ABL2: variants seen among roughly 807,000 people sequenced by gnomAD.
ABL2 encodes the protein ABL proto-oncogene 2, non-receptor tyrosine kinase.
In ABL2, 49 loss-of-function variants were observed where a neutral mutation model predicts 107.7. The observed-to-expected ratio is 0.45, with a 90% CI of 0.36 to 0.58. The LOEUF is 0.58. ABL2 is among the 20% of genes least tolerant of loss of function. The pLI is 0.00. For synonymous variants in ABL2, 549 were observed against 548.6 expected, an observed-to-expected ratio of 1.00 and a Z score of -0.01; for missense variants, 1,245 against 1,457.0, an observed-to-expected ratio of 0.85 and a Z score of 2.37.
intron 1 of ABL2, among the ~76,000 whole-genome samples, chr1:179,133,714 T>A (rs1448019483): frequency 6.6e-6 from 1 of 152,218 alleles, no homozygotes; most frequent in Non-Finnish European, 1.5e-5. Context: ...AGACCCCCAG[T>A]GGATGCTTAA....
chr1:179,161,953 T>G (rs1659093015), intron 1 of ABL2, among the ~76,000 whole-genome samples: 1 of 152,178 alleles, frequency 6.6e-6, no homozygotes, highest in Non-Finnish European at 1.5e-5. Flanking sequence ...TCACTCTCTT[T>G]GCCCTTCCAC....
chr1:179,229,260 G>A lies in ABL2; in HGVS notation c.138C>T (p.Phe46=). The A allele has an allele frequency of 2.6e-6, 4 of 1,510,330 alleles. No individual in the cohort carries two copies. The highest frequency in any genetic ancestry group is 3.6e-6 in the Non-Finnish European group (4 of 1,126,046). 93.6% of individuals were successfully genotyped at this position (1,510,330 alleles called of 1,614,324 possible). The change falls in exon 1 of 12, where the codon TTC becomes TTT. Residue 46 remains phenylalanine (F), a synonymous_variant. Coordinates refer to ENST00000502732, the MANE Select transcript of ABL2 (RefSeq NM_007314.4). The part of the protein sequence containing the change: ...DPAGRTTETG[F]NIFTQHDHFA... ...ACTCACCATGCTGGGTGAAGATATT[G>A]AAGCCGGTCTCTGTGGTGCGCCCCG...
At position 179,185,971 on chromosome 1, in the gene ABL2, C is replaced by T. The variant is rs560454356; in HGVS notation, c.157+43270G>A. On this transcript the variant is annotated intron_variant, in intron 1 of 11. Coordinates refer to ENST00000502732, the MANE Select transcript of ABL2 (RefSeq NM_007314.4). Reference sequence around the variant, plus strand: ...TAGAGAAAATTAGCAATGGGCCGGGCGCAGTGGCTCACCCTGTAATCCCAG... The same window carrying T: ...TAGAGAAAATTAGCAATGGGCCGGGTGCAGTGGCTCACCCTGTAATCCCAG... Among the ~76,000 whole-genome samples the T allele has an allele frequency of 7.9e-5, 12 of 152,142 alleles. No individual in the cohort carries two copies. In the South Asian group the frequency reaches 2.1e-3, roughly 26 times the overall value.
Position 179,163,816 on chromosome 1 carries a change from G to A in ABL2, c.158-30442C>T, listed in dbSNP as rs540633713. Among the ~76,000 whole-genome samples the A allele has an allele frequency of 2.0e-5, 3 of 152,330 alleles. No homozygotes were observed. In the South Asian group the frequency reaches 6.2e-4, roughly 32 times the overall value. ...ACTTAAATGTCCTTCAGTGAATGAA[G>A]GGATAAACAAGGTGTGGTACACATC... On this transcript the variant is annotated intron_variant, in intron 1 of 11. Coordinates refer to ENST00000502732, the MANE Select transcript of ABL2 (RefSeq NM_007314.4).
chr1:179,224,000 G>A (rs1268414625), intron 1 of ABL2, among the ~76,000 whole-genome samples: 2 of 150,178 alleles, frequency 1.3e-5, no homozygotes, highest in African/African-American at 4.9e-5. Flanking sequence ...ATGGTGGCGT[G>A]CACCTATAGT....
intron 1 of ABL2, among the ~76,000 whole-genome samples, chr1:179,210,105 C>T (rs1033455889): frequency 1.3e-5 from 2 of 152,172 alleles, no homozygotes; most frequent in African/African-American, 2.4e-5. Flanking sequence ...CTCAAGCAAT[C>T]TTCCCCCTCA....
chr1:179,224,151 A>C (rs1489659919), intron 1 of ABL2, among the ~76,000 whole-genome samples: 6 of 149,480 alleles, frequency 4.0e-5, no homozygotes, highest in South Asian at 4.2e-4. Context: ...AAAAAAAAAA[A>C]AAAAAAACTA....
At chr1:179,148,653 G>C (rs1432352762) in intron 1 of ABL2, among the ~76,000 whole-genome samples, 2 of 152,128 alleles carry the variant, frequency 1.3e-5, no homozygotes, top group Non-Finnish European at 2.9e-5. Context: ...TGTAATCTCA[G>C]CACTTTGTGA....
Position 179,100,476 on chromosome 1 carries a change from T to C in ABL2, c.*7242A>G. 4.4e-6 allele frequency: 1 copy of C among 227,646 alleles called. No individual in the cohort carries two copies. Among genetic ancestry groups the C allele is most frequent in the East Asian group, 6.3e-5 (1 of 15,756 alleles). The allele number at this position is 227,646 out of a possible 1,614,324, so 14.1% of individuals were successfully genotyped here. A position where few individuals can be genotyped will look rare whatever the true frequency, so the allele number is the denominator to read the frequency against. On this transcript the variant is annotated 3_prime_UTR_variant, in exon 12 of 12. Transcript: ENST00000502732. ...TTGCTGAAAATTAAGTATACATATA[T>C]GTGAAAATTTAAGTCCCATTCTCCA... is the stretch of plus-strand genomic sequence containing the variant.
At chr1:179,149,411 G>C (rs974880297) in intron 1 of ABL2, among the ~76,000 whole-genome samples, 1 of 152,226 alleles carries the variant, frequency 6.6e-6, no homozygotes, top group Non-Finnish European at 1.5e-5. Flanking sequence ...TGCTGATTTA[G>C]AAGCTGCAGC....
At chr1:179,197,127 A>G (rs981339223) in intron 1 of ABL2, among the ~76,000 whole-genome samples, 10 of 152,228 alleles carry the variant, frequency 6.6e-5, no homozygotes, top group African/African-American at 2.2e-4. Context: ...GAACGAGGCA[A>G]TATTTGAAGA....
At chr1:179,113,235 GGTGCTTCGATTTAGC>G (rs1422081808) in intron 9 of ABL2, among the ~76,000 whole-genome samples, 6 of 152,230 alleles carry the variant, frequency 3.9e-5, no homozygotes, top group African/African-American at 1.4e-4. Context: ...TTCTAAGGCT[GGTGCTTCGATTTAGC>G]CTCAGCTCCT....
chr1:179,151,126 T>C (rs1658333314), intron 1 of ABL2, among the ~76,000 whole-genome samples: 1 of 152,232 alleles, frequency 6.6e-6, no homozygotes, highest in South Asian at 2.1e-4. Context: ...TGACTCATTT[T>C]ATGGTGATAC....
At chr1:179,184,821 C>G (rs1437781767) in intron 1 of ABL2, among the ~76,000 whole-genome samples, 1 of 152,074 alleles carries the variant, frequency 6.6e-6, no homozygotes, top group African/African-American at 2.4e-5. Flanking sequence ...TTTCTATACA[C>G]CATGATTCTC....
intron 1 of ABL2, among the ~76,000 whole-genome samples, chr1:179,164,369 A>C (rs1659259001): frequency 6.6e-6 from 1 of 152,170 alleles, no homozygotes. Context: ...AAATTTCCAC[A>C]CTTATTTTAG....
chr1:179,155,853 G>A (rs1309301074), intron 1 of ABL2, among the ~76,000 whole-genome samples: 1 of 151,770 alleles, frequency 6.6e-6, no homozygotes, highest in Non-Finnish European at 1.5e-5. Context: ...AACCTTATTT[G>A]GACCAAAAAT....
intron 1 of ABL2, among the ~76,000 whole-genome samples, chr1:179,154,656 C>T (rs1314006864): frequency 2.0e-5 from 3 of 152,212 alleles, no homozygotes; most frequent in Non-Finnish European, 4.4e-5. Context: ...AGATTTCATC[C>T]TTGAAACAGA....
rs915029053 is a variant in ABL2 at position 179,105,748 on chromosome 1, A to G, written c.*1970T>C. ...TTTCCTTTCTTTCCAATGAAAACTC[A>G]ATTTTGTTCTTGGTCAAAAATGCCA... On this transcript the variant is annotated 3_prime_UTR_variant, in exon 12 of 12. Coordinates refer to ENST00000502732, the MANE Select transcript of ABL2 (RefSeq NM_007314.4). 1 of 226,350 alleles carries G rather than the reference A, an allele frequency of 4.4e-6. No individual in the cohort carries two copies. The allele number at this position is 226,350 out of a possible 1,614,324, so 14.0% of individuals were successfully genotyped here.
rs1256700870 is a variant in ABL2 at position 179,117,419 on chromosome 1, C to A, written c.1321G>T (p.Ala441Ser). 6.2e-7 allele frequency: 1 copy of A among 1,614,138 alleles called. No homozygotes were observed. The highest frequency in any genetic ancestry group is 8.5e-7 in the Non-Finnish European group (1 of 1,180,012). ...SRLMTGDTYT[A>S]HAGAKFPIKW... ...ATAGGAAATTTGGCTCCAGCATGAG[C>A]AGTATAAGTGTCTCCAGTCATCAAT... Residue 441 changes from alanine to serine, a missense_variant, in exon 8 of 12, where the codon GCT (alanine) becomes TCT (serine). Ala to Ser is a moderately conservative substitution (Grantham distance 99, BLOSUM62 1). This residue lies in a region of ABL2 where 320 missense variants were observed against 547.0 expected (regional missense o/e 0.59). Transcript: ENST00000502732.
Sources: gnomAD v4.1 joint callset for allele counts (sites outside exome capture counted in the v4.1 genomes callset) on GRCh38, gnomAD v4.1.1 for gene constraint, gnomAD v4.1.1 regional missense constraint, MANE v1.5 for transcripts, NCBI Gene and HGNC (gene_info 2026-07-23, HGNC 2026-07-21) for gene names.